The following LMX1B variants were observed in gnomAD, a reference collection of about 807,000 sequenced individuals.
LMX1B encodes LIM homeobox transcription factor 1 beta.
A neutral mutation model predicts 51.4 loss-of-function variants in LMX1B; 12 were observed. That is an observed-to-expected ratio of 0.23 (90% confidence interval 0.15 to 0.38). The LOEUF is 0.38. Among genes scored for constraint, LMX1B ranks in the 10% least tolerant of loss-of-function variants. The pLI is 1.00. For synonymous variants in LMX1B, 237 were observed against 235.4 expected (o/e 1.01, Z -0.06); for missense variants, 445 against 571.1 (o/e 0.78, Z 2.25).
intron 3 of LMX1B, among the ~76,000 whole-genome samples, chr9:126,691,476 CACAT>C (rs2118988230): frequency 6.6e-6 from 1 of 152,352 alleles, no homozygotes; most frequent in South Asian, 2.1e-4. Context: ...AGCATACATA[CACAT>C]ACACACATGA....
chr9:126,659,320 G>C (rs1389812385), intron 2 of LMX1B, among the ~76,000 whole-genome samples: 1 of 152,258 alleles, frequency 6.6e-6, no homozygotes, highest in African/African-American at 2.4e-5. Flanking sequence ...CCCTCTCCCA[G>C]CTGGGCTGGG....
chr9:126,616,937 T>C (rs1318409843), intron 2 of LMX1B, among the ~76,000 whole-genome samples: 8 of 152,156 alleles, frequency 5.3e-5, no homozygotes, highest in East Asian at 1.9e-4. Context: ...TGGGTAGGGA[T>C]TGGAGTCCAT....
intron 2 of LMX1B, among the ~76,000 whole-genome samples, chr9:126,639,684 G>A (rs1465155691): frequency 6.6e-6 from 1 of 152,220 alleles, no homozygotes; most frequent in Non-Finnish European, 1.5e-5. Context: ...TGTGCAAGCT[G>A]TTAGTGACTG....
rs1361537569 is a variant in LMX1B at position 126,614,310 on chromosome 9, C to G, written c.-140C>G. On this transcript the variant is annotated 5_prime_UTR_variant, in exon 1 of 8. Coordinates refer to ENST00000373474, the MANE Select transcript of LMX1B (RefSeq NM_001174147.2). ...CCGGGGCCAGCGCGTCGCCGCTCCACGATCGCCGGGGGCCGGCGCAACCCC... is the reference window on the plus strand; with the variant it reads ...CCGGGGCCAGCGCGTCGCCGCTCCAGGATCGCCGGGGGCCGGCGCAACCCC... 3 of 441,680 alleles carry G rather than the reference C, an allele frequency of 6.8e-6. No individual in the cohort carries two copies. Among genetic ancestry groups the G allele is most frequent in the Non-Finnish European group, 6.0e-6 (2 of 335,256 alleles). The allele number at this position is 441,680 out of a possible 1,614,324, so 27.4% of individuals were successfully genotyped here.
chr9:126,681,541 A>G (rs545632120), intron 2 of LMX1B, among the ~76,000 whole-genome samples: 2 of 151,742 alleles, frequency 1.3e-5, no homozygotes, highest in South Asian at 4.2e-4. Flanking sequence ...TAACTTCCCA[A>G]AGCCACTCCC....
At chr9:126,629,635 A>G (rs1349524300) in intron 2 of LMX1B, among the ~76,000 whole-genome samples, 4 of 152,082 alleles carry the variant, frequency 2.6e-5, no homozygotes, top group Non-Finnish European at 2.9e-5. Context: ...ATGGCTCCTA[A>G]TGAATGGCCA....
At chr9:126,669,577 A>G (rs1025462658) in intron 2 of LMX1B, among the ~76,000 whole-genome samples, 3 of 152,108 alleles carry the variant, frequency 2.0e-5, no homozygotes, top group Admixed American at 1.3e-4. Flanking sequence ...AGCCTCTCAC[A>G]TTCACGTGTG....
At chr9:126,622,481 A>G (rs555806781) in intron 2 of LMX1B, among the ~76,000 whole-genome samples, 2 of 152,160 alleles carry the variant, frequency 1.3e-5, no homozygotes, top group Non-Finnish European at 2.9e-5. Context: ...ATGCTGAGAC[A>G]CAGGGCCGCC....
chr9:126,638,295 G>A (rs1039219630), intron 2 of LMX1B, among the ~76,000 whole-genome samples: 1 of 152,202 alleles, frequency 6.6e-6, no homozygotes, highest in Non-Finnish European at 1.5e-5. Context: ...GCCCTGACAG[G>A]TGTGCCCGGA....
intron 2 of LMX1B, among the ~76,000 whole-genome samples, chr9:126,620,625 C>G (rs923992804): frequency 6.6e-6 from 1 of 151,752 alleles, no homozygotes; most frequent in Admixed American, 6.6e-5. Context: ...GTGCTGTGCT[C>G]TTTCTCCCTG....
rs1467401878 is a variant in LMX1B at position 126,626,556 on chromosome 9, C to T, written c.326+10987C>T. ...TCCCGCCCGTCCTCTCCTGGAGCCC[C>T]CTCTGCAATCCCGGCTCAGTCGGCA... is the stretch of plus-strand genomic sequence containing the variant. On this transcript the variant is annotated intron_variant, in intron 2 of 7. Transcript: ENST00000373474. This position sits in a 1 kb window ranked among gnomAD's most constrained non-coding sequence, Gnocchi z 4.3. Among the ~76,000 whole-genome samples the T allele has an allele frequency of 6.6e-6, 1 of 152,188 alleles. No homozygotes were observed. Among genetic ancestry groups the T allele is most frequent in the Non-Finnish European group, 1.5e-5 (1 of 68,026 alleles).
intron 2 of LMX1B, among the ~76,000 whole-genome samples, chr9:126,681,490 TC>T (rs920878562): frequency 6.6e-6 from 1 of 152,116 alleles, no homozygotes. Flanking sequence ...TCACAAGGCT[TC>T]CCCTGCCCTC....
rs866745423 is a variant in LMX1B at position 126,655,076 on chromosome 9, A to G, written c.327-35760A>G. On this transcript the variant is annotated intron_variant, in intron 2 of 7. Transcript: ENST00000373474. ...GGGCGGTGGTGTTAGGATCTTCCTC[A>G]TGCACTCCTGGGAGGAGCAAAGGAA... Among the ~76,000 whole-genome samples, 5 of 152,330 alleles carry G rather than the reference A, an allele frequency of 3.3e-5. No individual in the cohort carries two copies. In the Middle Eastern group the frequency reaches 0.01, roughly 311 times the overall value.
At chr9:126,623,678 C>T (rs1056656073) in intron 2 of LMX1B, among the ~76,000 whole-genome samples, 1 of 152,208 alleles carries the variant, frequency 6.6e-6, no homozygotes, top group African/African-American at 2.4e-5. Context: ...TTGCTAATCT[C>T]CCCCAGAACG....
Position 126,658,856 on chromosome 9 carries a change from G to T in LMX1B, c.327-31980G>T, listed in dbSNP as rs910277637. Among the ~76,000 whole-genome samples the T allele has an allele frequency of 6.6e-6, 1 of 152,232 alleles. No homozygotes were observed. Among genetic ancestry groups the T allele is most frequent in the Non-Finnish European group, 1.5e-5 (1 of 68,046 alleles). On this transcript the variant is annotated intron_variant, in intron 2 of 7. Transcript: ENST00000373474. The surrounding 1 kb of genome is among the most constrained non-coding windows in gnomAD (Gnocchi z 4.0). ...AGCCCCCTTGCCTGTATCAGGCCTGGTTTGCTGTGGAGAGAAGGAGGACTT... is the reference window on the plus strand; with the variant it reads ...AGCCCCCTTGCCTGTATCAGGCCTGTTTTGCTGTGGAGAGAAGGAGGACTT...
chr9:126,616,863 T>G (rs1588259297), intron 2 of LMX1B, among the ~76,000 whole-genome samples: 1 of 152,214 alleles, frequency 6.6e-6, no homozygotes, highest in East Asian at 1.9e-4. Context: ...CTGTGCCTGG[T>G]GGTCTGGGGG....
chr9:126,694,358 C>T (rs1052346680), intron 6 of LMX1B, among the ~76,000 whole-genome samples: 1 of 152,210 alleles, frequency 6.6e-6, no homozygotes, highest in South Asian at 2.1e-4. Context: ...GGAGCTCAAG[C>T]CTGTACCTTT....
intron 2 of LMX1B, among the ~76,000 whole-genome samples, chr9:126,666,810 G>A (rs1366489752): frequency 6.6e-6 from 1 of 152,080 alleles, no homozygotes; most frequent in Non-Finnish European, 1.5e-5. Context: ...GGCAGGGCAG[G>A]TATACAGGGA....
At position 126,700,623 on chromosome 9, in the gene LMX1B, GC is replaced by G. The variant is rs2030509212; in HGVS notation, c.*4173del. Reference sequence around the variant, plus strand: ...CACACCTGGACGCACACGGAGGCTTGCGGACCCATACTCACAGGCACATGTG... The same window carrying G: ...CACACCTGGACGCACACGGAGGCTTGGGACCCATACTCACAGGCACATGTG... On this transcript the variant is annotated 3_prime_UTR_variant, in exon 8 of 8. Transcript: ENST00000373474. The G allele has an allele frequency of 6.6e-6, 1 of 152,328 alleles. No homozygotes were observed. The highest frequency in any genetic ancestry group is 1.5e-5 in the Non-Finnish European group (1 of 68,142). The allele number at this position is 152,328 out of a possible 1,614,324, so 9.4% of individuals were successfully genotyped here.
Sources: gnomAD v4.1 joint callset for allele counts (sites outside exome capture counted in the v4.1 genomes callset) on GRCh38, gnomAD v4.1.1 for gene constraint, Gnocchi (gnomAD v3.1) non-coding constraint, MANE v1.5 for transcripts, NCBI Gene and HGNC (gene_info 2026-07-23, HGNC 2026-07-21) for gene names.